TNIK: variants seen among roughly 807,000 people sequenced by gnomAD.
The protein encoded by TNIK is TRAF2 and NCK-interacting protein kinase.
TNIK carries 49 observed loss-of-function variants against 191.3 expected under a neutral mutation model. That is an observed-to-expected ratio of 0.26 (90% CI 0.20 to 0.32). The LOEUF is 0.32. Ranked by LOEUF, TNIK falls within the 10% of genes least tolerant of loss-of-function variation. The probability of loss-of-function intolerance (pLI) is 1.00; values close to 1 mark genes in which losing one functional copy is unlikely to be tolerated. For synonymous variants in TNIK, 594 were observed against 600.9 expected (o/e 0.99, Z 0.17); for missense variants, 1,155 against 1,702.3 (o/e 0.68, Z 5.66).
chr3:171,104,088 A>AGTTTAATTG (rs1553810495), intron 21 of TNIK, among the ~76,000 whole-genome samples: 4 of 151,748 alleles, frequency 2.6e-5, no homozygotes, highest in Admixed American at 6.6e-5. Flanking sequence ...GAAATTTTCA[A>AGTTTAATTG]TTAACAGTTT....
chr3:171,420,443 C>G (rs1350550546), intron 1 of TNIK, among the ~76,000 whole-genome samples: 1 of 152,160 alleles, frequency 6.6e-6, no homozygotes, highest in Non-Finnish European at 1.5e-5. Context: ...CAATCCAAAA[C>G]CAGTGGAAAG....
intron 1 of TNIK, among the ~76,000 whole-genome samples, chr3:171,387,730 G>T (rs1398698611): frequency 6.6e-6 from 1 of 152,112 alleles, no homozygotes; most frequent in African/African-American, 2.4e-5. Flanking sequence ...GAACTATTTG[G>T]CTTAAATCAA....
intron 1 of TNIK, among the ~76,000 whole-genome samples, chr3:171,391,515 T>G (rs958052948): frequency 6.6e-6 from 1 of 152,194 alleles, no homozygotes; most frequent in Non-Finnish European, 1.5e-5. Context: ...TAAACAAAAT[T>G]GACTGTAATA....
chr3:171,245,704 A>G (rs1577235660), intron 2 of TNIK, among the ~76,000 whole-genome samples: 1 of 152,196 alleles, frequency 6.6e-6, no homozygotes, highest in East Asian at 1.9e-4. Context: ...TTTTCTATAG[A>G]TCATCTCATT....
chr3:171,216,498 T>A (rs1182189177), intron 3 of TNIK, among the ~76,000 whole-genome samples: 1 of 152,182 alleles, frequency 6.6e-6, no homozygotes, highest in East Asian at 1.9e-4. Context: ...TTGAAATAGT[T>A]AAGAGCATGC....
intron 12 of TNIK, among the ~76,000 whole-genome samples, chr3:171,151,025 A>G (rs1039817622): frequency 2.0e-5 from 3 of 152,244 alleles, no homozygotes; most frequent in Admixed American, 1.3e-4. Flanking sequence ...AAGAATACCA[A>G]TCCAGGTTTT....
At chr3:171,252,735 C>T (rs1320095350) in intron 2 of TNIK, among the ~76,000 whole-genome samples, 1 of 152,048 alleles carries the variant, frequency 6.6e-6, no homozygotes, top group East Asian at 1.9e-4. Context: ...ATCTGTTTAT[C>T]TGGGAGAAAC....
Position 171,190,704 on chromosome 3 carries a change from A to G in TNIK, c.501T>C (p.Val167=). Residue 167 remains valine, a synonymous_variant, in exon 6 of 33, where the codon GTT becomes GTC. Transcript: ENST00000436636. ...ACAGGATTCTGCTCTTACCTAGTTT[A>G]ACTTCTGCATTTTCAGTCAGCAAGA... The part of the protein sequence containing the change: ...QNVLLTENAE[V]KLVDFGVSAQ... 1 of 1,588,816 alleles carries G rather than the reference A, an allele frequency of 6.3e-7. No individual in the cohort carries two copies. Among genetic ancestry groups the G allele is most frequent in the Non-Finnish European group, 8.6e-7 (1 of 1,165,782 alleles).
At chr3:171,208,125 G>A (rs1740325511) in intron 4 of TNIK, among the ~76,000 whole-genome samples, 1 of 152,146 alleles carries the variant, frequency 6.6e-6, no homozygotes, top group Non-Finnish European at 1.5e-5. Flanking sequence ...GAGACTGGGA[G>A]TTTGAGACCA....
intron 1 of TNIK, among the ~76,000 whole-genome samples, chr3:171,445,292 G>A (rs1727356293): frequency 6.6e-6 from 1 of 151,982 alleles, no homozygotes; most frequent in African/African-American, 2.4e-5. Context: ...GGTGGCACAT[G>A]CCTGTAGTAC....
intron 2 of TNIK, among the ~76,000 whole-genome samples, chr3:171,361,980 G>A (rs116254674): frequency 4.9e-4 from 75 of 152,094 alleles, no homozygotes; most frequent in Non-Finnish European, 3.2e-4. Context: ...ACCATACAAC[G>A]GGTCCTCAAT....
chr3:171,229,702 T>C (rs1159075020), intron 2 of TNIK, among the ~76,000 whole-genome samples: 2 of 152,176 alleles, frequency 1.3e-5, no homozygotes, highest in African/African-American at 2.4e-5. Flanking sequence ...TATCTCAGCT[T>C]TAAAAATCTA....
intron 2 of TNIK, among the ~76,000 whole-genome samples, chr3:171,245,135 A>G (rs1745451448): frequency 6.6e-6 from 1 of 152,198 alleles, no homozygotes; most frequent in African/African-American, 2.4e-5. Flanking sequence ...TTGTACTTCT[A>G]TCTCCATTGT....
intron 2 of TNIK, among the ~76,000 whole-genome samples, chr3:171,280,689 CAG>C (rs1750328090): frequency 6.6e-6 from 1 of 150,446 alleles, no homozygotes; most frequent in African/African-American, 2.4e-5. Context: ...AATGATCTTT[CAG>C]AGATAAACCA....
At chr3:171,193,901 A>G (rs1299557087) in intron 5 of TNIK, among the ~76,000 whole-genome samples, 1 of 152,220 alleles carries the variant, frequency 6.6e-6, no homozygotes, top group Non-Finnish European at 1.5e-5. Flanking sequence ...CAAATATGAT[A>G]CTATTGTCTA....
At chr3:171,448,666 C>T (rs1727808584) in intron 1 of TNIK, among the ~76,000 whole-genome samples, 1 of 149,918 alleles carries the variant, frequency 6.7e-6, no homozygotes, top group Non-Finnish European at 1.5e-5. Flanking sequence ...CTGTATTTAG[C>T]ATTTTGAGAA....
At chr3:171,086,603 C>T (rs557526290) in intron 24 of TNIK, among the ~76,000 whole-genome samples, 40 of 152,170 alleles carry the variant, frequency 2.6e-4, no homozygotes, top group Non-Finnish European at 5.0e-4. Context: ...TCAAAGGGTG[C>T]ATCATAAAAA....
chr3:171,260,727 C>T (rs1396480564), intron 2 of TNIK, among the ~76,000 whole-genome samples: 1 of 152,178 alleles, frequency 6.6e-6, no homozygotes, highest in African/African-American at 2.4e-5. Flanking sequence ...ACCTAAGACA[C>T]TTCAGTGTTT....
chr3:171,447,164 C>A (rs1727611944), intron 1 of TNIK, among the ~76,000 whole-genome samples: 1 of 152,120 alleles, frequency 6.6e-6, no homozygotes, highest in Admixed American at 6.5e-5. Flanking sequence ...GCACTCCAGC[C>A]TGGGTAACAG....
Sources: allele counts gnomAD v4.1 joint callset (sites outside exome capture counted in the v4.1 genomes callset), GRCh38; gene constraint gnomAD v4.1.1; transcripts MANE v1.5; gene names NCBI Gene and HGNC (gene_info 2026-07-23, HGNC 2026-07-21).